The following PLEKHG6 variants were observed in gnomAD, a reference collection of about 807,000 sequenced individuals.
PLEKHG6 encodes the protein pleckstrin homology and RhoGEF domain containing G6, also known as pleckstrin homology domain-containing family G member 6.
Under a neutral mutation model 97.5 loss-of-function variants are expected in PLEKHG6, and 91 were observed. That is an observed-to-expected ratio of 0.93 (90% CI 0.79 to 1.11). PLEKHG6 has a LOEUF of 1.11. Among genes scored for constraint, PLEKHG6 ranks in the 50% most tolerant of loss-of-function variants. PLEKHG6 has a pLI of 0.00. For synonymous variants in PLEKHG6, 466 were observed against 425.5 expected (o/e 1.10, Z -1.17); for missense variants, 1,044 against 1,031.0 (o/e 1.01, Z -0.17).
chr12:6,321,826 T>TAAAAAAAAAAAAA (rs57346521), intron 13 of PLEKHG6, among the ~76,000 whole-genome samples: 59 of 97,374 alleles, frequency 6.1e-4, no homozygotes, highest in African/African-American at 2.2e-3. Flanking sequence ...GACTCTGTCT[T>TAAAAAAAAAAAAA]AAAAAAAAAA....
intron 8 of PLEKHG6, 48 bp downstream of exon 8, chr12:6,317,461 C>G (rs750995534): frequency 3.1e-6 from 5 of 1,600,558 alleles, no homozygotes; most frequent in South Asian, 1.1e-5. Context: ...CTTAGCCGGC[C>G]GGTCTCCAGC....
In PLEKHG6 at chr12:6,318,896, G is replaced by A. The variant is rs1440743638; in HGVS notation, c.1408+19G>A. On this transcript the variant is annotated intron_variant, in intron 12 of 15. Transcript: ENST00000684764. ...GACCCCAGTACGTCCTTCCTTCAGGGAGTCTTTTCTTCTCCCTCTTCTCAG... is the reference window on the plus strand; with the variant it reads ...GACCCCAGTACGTCCTTCCTTCAGGAAGTCTTTTCTTCTCCCTCTTCTCAG... 1 of 1,614,166 alleles carries A rather than the reference G, an allele frequency of 6.2e-7. No individual in the cohort carries two copies. The highest frequency in any genetic ancestry group is 1.7e-5 in the Admixed American group (1 of 60,024).
chr12:6,311,345 A>G (rs1367449154), intron 1 of PLEKHG6, among the ~76,000 whole-genome samples: 4 of 152,172 alleles, frequency 2.6e-5, no homozygotes, highest in Non-Finnish European at 5.9e-5. Context: ...CTCTAATTCT[A>G]TTTGGCTGGT....
Position 6,316,451 on chromosome 12 carries a change from C to CCCGAGGG in PLEKHG6, c.756+48_756+49insCGAGGGC. 1 of 1,504,888 alleles carries CCCGAGGG rather than the reference C, an allele frequency of 6.6e-7. No homozygotes were observed. The highest frequency in any genetic ancestry group is 8.9e-7 in the Non-Finnish European group (1 of 1,118,332). 93.2% of individuals were successfully genotyped at this position (1,504,888 alleles called of 1,614,324 possible). A position where few individuals can be genotyped will look rare whatever the true frequency, so the allele number is the denominator to read the frequency against. On this transcript the variant is annotated intron_variant, in intron 7 of 15. Transcript: ENST00000684764. This position sits in a 1 kb window ranked among gnomAD's most constrained non-coding sequence, Gnocchi z 4.1. ...GTCTGGATGGGGCAGGACTCGGAGC[C>CCCGAGGG]CTCGGGGGTCCTGTGTGTAGGGCAT...
In PLEKHG6 at chr12:6,318,979, T is replaced by G; in HGVS notation, c.1409-14T>G. On this transcript the variant is annotated splice_polypyrimidine_tract_variant and intron_variant, in intron 12 of 15. Coordinates refer to ENST00000684764, the MANE Select transcript of PLEKHG6 (RefSeq NM_001384598.1). Reference sequence around the variant, plus strand: ...ATAAAGGCTGGCCTCTTGAAGGTTGTCTCCTCCATCCAGACAGCTTCCTGC... The same window carrying G: ...ATAAAGGCTGGCCTCTTGAAGGTTGGCTCCTCCATCCAGACAGCTTCCTGC... 6.2e-7 allele frequency: 1 copy of G among 1,612,882 alleles called. No individual in the cohort carries two copies. Among genetic ancestry groups the G allele is most frequent in the Non-Finnish European group, 8.5e-7 (1 of 1,178,996 alleles).
chr12:6,313,513 C>A (rs944677470), intron 2 of PLEKHG6, 116 bp from the exon 3 acceptor site: 8 of 1,260,058 alleles, frequency 6.3e-6, no homozygotes, highest in Non-Finnish European at 7.7e-6. Flanking sequence ...AGTGAGCCAG[C>A]CCGACTTACC....
At chr12:6,320,027 G>A (rs1947649985) in intron 13 of PLEKHG6, among the ~76,000 whole-genome samples, 1 of 152,222 alleles carries the variant, frequency 6.6e-6, no homozygotes, top group South Asian at 2.1e-4. Flanking sequence ...CCACATGGAG[G>A]AGCAGAACGT....
At chr12:6,312,821 C>A (rs1947321462) in intron 2 of PLEKHG6, 2 of 1,247,734 alleles carry the variant, frequency 1.6e-6, no homozygotes, top group Non-Finnish European at 2.0e-6. Context: ...CTTGGCTCCA[C>A]CCCTGGCTCC....
chr12:6,311,498 A>G (rs751669172), intron 1 of PLEKHG6, among the ~76,000 whole-genome samples: 1 of 152,216 alleles, frequency 6.6e-6, no homozygotes, highest in Non-Finnish European at 1.5e-5. Context: ...GTCTGTCCCA[A>G]CTAGCAAGAA....
At position 6,315,157 on chromosome 12, in the gene PLEKHG6, G is replaced by A; in HGVS notation, c.447G>A (p.Val149=). 1 of 1,611,230 alleles carries A rather than the reference G, an allele frequency of 6.2e-7. No individual in the cohort carries two copies. Among genetic ancestry groups the A allele is most frequent in the African/African-American group, 1.3e-5 (1 of 74,996 alleles). The change falls in exon 4 of 16, where the codon GTG becomes GTA. Residue 149 remains valine (V), a synonymous_variant. Transcript: ENST00000684764. The surrounding 1 kb of genome is among the most constrained non-coding windows in gnomAD (Gnocchi z 4.5). ...LTIEKSWREL[V]PGHKEMSQEL... is the part of the protein sequence containing the mutation. The stretch of plus-strand genomic sequence containing the variant: ...TCGAGAAGTCCTGGAGGGAGCTGGT[G>A]CCTGGGCACAAGGTGAGCCTGAAAC...
rs1031536969 is a variant in PLEKHG6 at position 6,328,240 on chromosome 12, G to A, written c.*95G>A. The stretch of plus-strand genomic sequence containing the variant: ...CCGGCATCTGTGACTCTACCTCAAG[G>A]ACCACATTTCCCAAAGGAAGCCTGG... On this transcript the variant is annotated 3_prime_UTR_variant, in exon 16 of 16. Coordinates refer to ENST00000684764, the MANE Select transcript of PLEKHG6 (RefSeq NM_001384598.1). 1.1e-5 allele frequency: 15 copies of A among 1,305,694 alleles called. No individual in the cohort carries two copies. The Admixed American group carries it at 2.6e-4, about 23-fold the overall frequency. 80.9% of individuals were successfully genotyped at this position (1,305,694 alleles called of 1,614,324 possible). A position where few individuals can be genotyped will look rare whatever the true frequency, so the allele number is the denominator to read the frequency against.
intron 13 of PLEKHG6, among the ~76,000 whole-genome samples, chr12:6,321,783 C>T (rs4764578): frequency 0.61 from 88,146 of 143,418 alleles, 27,363 homozygotes; most frequent in African/African-American, 0.7. Flanking sequence ...GCCGAGATCG[C>T]GCCACTGCAC....
intron 2 of PLEKHG6, chr12:6,312,911 C>T: frequency 7.2e-7 from 1 of 1,381,220 alleles, no homozygotes; most frequent in South Asian, 1.6e-5. Context: ...CAGGTTTCCC[C>T]TCCACCTTGA....
chr12:6,320,555 G>C (rs968557057), intron 13 of PLEKHG6, among the ~76,000 whole-genome samples: 3 of 152,086 alleles, frequency 2.0e-5, no homozygotes, highest in African/African-American at 7.2e-5. Flanking sequence ...ATGTCTCTGT[G>C]TCCAAATTTC....
intron 10 of PLEKHG6, 25 bp from the exon 11 acceptor site, chr12:6,318,276 G>A (rs1480102265): frequency 6.2e-7 from 1 of 1,613,356 alleles, no homozygotes; most frequent in East Asian, 2.2e-5. Flanking sequence ...CGAGCGCCCT[G>A]ACCCCTCCCC....
chr12:6,317,538 TC>T lies in PLEKHG6; in HGVS notation c.868-6del, dbSNP rs754040338. 5.0e-6 allele frequency: 8 copies of T among 1,613,178 alleles called. No homozygotes were observed. Among genetic ancestry groups the T allele is most frequent in the Admixed American group, 3.3e-5 (2 of 59,982 alleles). On this transcript the variant is annotated splice_polypyrimidine_tract_variant and splice_region_variant and intron_variant, in intron 8 of 15. Transcript: ENST00000684764. ...AGCAAACCCTGAGCCCCACCCACCT[TC>T]CCTGCAGTGGTGTGAGAAGCACAAG...
intron 2 of PLEKHG6, chr12:6,312,939 G>C: frequency 7.1e-7 from 1 of 1,410,880 alleles, no homozygotes; most frequent in Non-Finnish European, 9.3e-7. Context: ...TCTGCTTGTG[G>C]CTGGGACATC....
intron 1 of PLEKHG6, among the ~76,000 whole-genome samples, chr12:6,311,475 C>T (rs1349240798): frequency 1.3e-5 from 2 of 152,180 alleles, no homozygotes; most frequent in Non-Finnish European, 2.9e-5. Context: ...TTAGAGACTT[C>T]GCGGCCTACA....
chr12:6,312,989 G>A (rs1947326183), intron 2 of PLEKHG6: 1 of 1,438,756 alleles, frequency 7.0e-7, no homozygotes, highest in Admixed American at 2.5e-5. Flanking sequence ...TTGGAGATGG[G>A]ACTTTCCTAG....
Sources: allele counts gnomAD v4.1 joint callset (sites outside exome capture counted in the v4.1 genomes callset), GRCh38; gene constraint gnomAD v4.1.1; non-coding constraint Gnocchi (gnomAD v3.1); transcripts MANE v1.5; gene names NCBI Gene and HGNC (gene_info 2026-07-23, HGNC 2026-07-21).